RARB: variants seen among roughly 807,000 people sequenced by gnomAD.
RARB encodes retinoic acid receptor beta.
Under a neutral mutation model 51.9 loss-of-function variants are expected in RARB, and 17 were observed. That is an observed-to-expected ratio of 0.33 (90% CI 0.22 to 0.49). The LOEUF (loss-of-function observed/expected upper bound fraction) is 0.49. RARB is among the 20% of genes least tolerant of loss of function. The probability of loss-of-function intolerance (pLI) is 0.99; values close to 1 mark genes in which losing one functional copy is unlikely to be tolerated. For synonymous variants in RARB, 215 were observed against 195.4 expected, an observed-to-expected ratio of 1.10 and a Z score of -0.84; for missense variants, 369 against 550.8, an observed-to-expected ratio of 0.67 and a Z score of 3.30.
rs71822047 is a variant in RARB, at chr3:25,157,378, G to GTATA, written c.-279-16740_-279-16739insATAT. Among the ~76,000 whole-genome samples the GTATA allele has an allele frequency of 3.1e-3, 448 of 143,756 alleles. 4 individuals are homozygous for GTATA. Among genetic ancestry groups the GTATA allele is most frequent in the African/African-American group, 8.7e-3 (338 of 38,852 alleles). 94.3% of individuals were successfully genotyped at this position (143,756 alleles called of 152,430 possible). A position where few individuals can be genotyped will look rare whatever the true frequency, so the allele number is the denominator to read the frequency against. On this transcript the variant is annotated intron_variant, in intron 4 of 11. Coordinates refer to the RARB transcript ENST00000383772. Reference sequence around the variant, plus strand: ...TGTGTGTGTGTGTGTGTGTGTGTGTGTGTATATATATGGTTTTTTTTGTTG... The same window carrying GTATA: ...TGTGTGTGTGTGTGTGTGTGTGTGTGTATATGTATATATATGGTTTTTTTTGTTG...
At chr3:24,917,864 C>G (rs1253008289) in intron 2 of RARB, among the ~76,000 whole-genome samples, 1 of 152,204 alleles carries the variant, frequency 6.6e-6, no homozygotes, top group Non-Finnish European at 1.5e-5. Context: ...CAGTCTACTT[C>G]ACACCCACTA....
chr3:24,985,244 G>T (rs149074218), intron 2 of RARB, among the ~76,000 whole-genome samples: 2 of 152,152 alleles, frequency 1.3e-5, no homozygotes, highest in African/African-American at 4.8e-5. Flanking sequence ...CCATGAAATG[G>T]AATGGGGCAT....
intron 1 of RARB, among the ~76,000 whole-genome samples, chr3:24,849,015 G>A (rs1373713281): frequency 2.0e-5 from 3 of 152,138 alleles, no homozygotes; most frequent in East Asian, 1.9e-4. Flanking sequence ...CAGCTGTTCT[G>A]GCTATAGTAG....
chr3:25,330,870 T>C (rs6790649), intron 5 of RARB, among the ~76,000 whole-genome samples: 32,478 of 151,944 alleles, frequency 0.21, 3,899 homozygotes, highest in African/African-American at 0.33. Flanking sequence ...GCAGGGGTTG[T>C]AATCCTAGTC....
At chr3:25,192,631 G>A (rs1701131116) in intron 5 of RARB, among the ~76,000 whole-genome samples, 1 of 152,130 alleles carries the variant, frequency 6.6e-6, no homozygotes, top group Non-Finnish European at 1.5e-5. Context: ...AAAGTTTTTG[G>A]TTTGCCATAA....
intron 2 of RARB, among the ~76,000 whole-genome samples, chr3:24,913,089 T>A (rs1047084111): frequency 6.7e-6 from 1 of 148,570 alleles, no homozygotes; most frequent in Non-Finnish European, 1.5e-5. Flanking sequence ...CATGCCATTC[T>A]CCTGCCTCAG....
intron 5 of RARB, among the ~76,000 whole-genome samples, chr3:25,376,383 C>T (rs767006652): frequency 6.6e-6 from 1 of 152,160 alleles, no homozygotes; most frequent in Non-Finnish European, 1.5e-5. Context: ...CTTTTGTTAA[C>T]GTAGTATACA....
chr3:25,521,739 T>C (rs1698408467), intron 3 of RARB, among the ~76,000 whole-genome samples: 1 of 152,154 alleles, frequency 6.6e-6, no homozygotes, highest in Non-Finnish European at 1.5e-5. Flanking sequence ...GTAGTGCACG[T>C]CTATAAAACA....
At chr3:24,864,773 T>C (rs562541116) in intron 2 of RARB, among the ~76,000 whole-genome samples, 1 of 152,300 alleles carries the variant, frequency 6.6e-6, no homozygotes, top group East Asian at 1.9e-4. Flanking sequence ...ACTAAAAAAT[T>C]TACTATCAAT....
intron 2 of RARB, among the ~76,000 whole-genome samples, chr3:24,957,470 G>T (rs1696041801): frequency 6.6e-6 from 1 of 152,196 alleles, no homozygotes; most frequent in African/African-American, 2.4e-5. Flanking sequence ...CTCCCAGTTT[G>T]CTTTACTGTT....
In RARB at chr3:25,043,122, G is replaced by C. The variant is rs77776230; in HGVS notation, c.-379-17003G>C. On this transcript the variant is annotated intron_variant, in intron 2 of 11. Transcript: ENST00000383772. ...TGTAGTAAGCTTAAGCTTCCATGTT[G>C]CTCTCCCTAGAACCTGATCACTTTC... Among the ~76,000 whole-genome samples, 189 of 152,300 alleles carry C rather than the reference G, an allele frequency of 1.2e-3. 1 individual carries two copies. Among genetic ancestry groups the C allele is most frequent in the African/African-American group, 4.3e-3 (177 of 41,566 alleles).
At chr3:25,005,473 G>A (rs998544674) in intron 2 of RARB, among the ~76,000 whole-genome samples, 2 of 152,162 alleles carry the variant, frequency 1.3e-5, no homozygotes, top group South Asian at 4.1e-4. Context: ...AGTTAGTGCT[G>A]ATTGTAGGCA....
At chr3:25,280,468 G>T (rs143552302) in intron 5 of RARB, among the ~76,000 whole-genome samples, 24 of 152,240 alleles carry the variant, frequency 1.6e-4, no homozygotes, top group African/African-American at 3.1e-4. Flanking sequence ...GAGCTGAAAC[G>T]CTGAGTGAAA....
intron 2 of RARB, among the ~76,000 whole-genome samples, chr3:24,910,095 C>G (rs1001285473): frequency 6.6e-6 from 1 of 152,136 alleles, no homozygotes; most frequent in Non-Finnish European, 1.5e-5. Context: ...ATCTTTCTAT[C>G]CCCATTTTTG....
intron 3 of RARB, among the ~76,000 whole-genome samples, chr3:25,123,268 A>G (rs866402335): frequency 6.6e-6 from 1 of 152,070 alleles, no homozygotes; most frequent in Non-Finnish European, 1.5e-5. Context: ...TCACAGTTTC[A>G]TTTCTATTGG....
At chr3:25,559,476 T>C (rs1700189011) in intron 3 of RARB, among the ~76,000 whole-genome samples, 1 of 152,236 alleles carries the variant, frequency 6.6e-6, no homozygotes, top group Non-Finnish European at 1.5e-5. Flanking sequence ...ATCTCCCTTC[T>C]GACATCTAGC....
At chr3:25,560,042 G>C (rs1202658696) in intron 3 of RARB, among the ~76,000 whole-genome samples, 1 of 152,154 alleles carries the variant, frequency 6.6e-6, no homozygotes, top group African/African-American at 2.4e-5. Context: ...ATAGTTAATT[G>C]ACTAATCATA....
At chr3:25,326,515 G>T (rs76757605) in intron 5 of RARB, among the ~76,000 whole-genome samples, 8,062 of 152,240 alleles carry the variant, frequency 0.053, 225 homozygotes, top group Middle Eastern at 0.065. Flanking sequence ...TAGAGAAAAA[G>T]TTAAAAATAA....
At chr3:24,925,507 G>A (rs886889774) in intron 2 of RARB, among the ~76,000 whole-genome samples, 18 of 151,782 alleles carry the variant, frequency 1.2e-4, no homozygotes, top group African/African-American at 4.4e-4. Context: ...GCTGGGCATG[G>A]TGTGCATATC....
Sources: gnomAD v4.1 joint callset for allele counts (sites outside exome capture counted in the v4.1 genomes callset) on GRCh38, gnomAD v4.1.1 for gene constraint, MANE v1.5 for transcripts, NCBI Gene and HGNC (gene_info 2026-07-23, HGNC 2026-07-21) for gene names.